Variants in SEZ6L observed in about 807,000 individuals in gnomAD.
The protein encoded by SEZ6L is seizure 6-like protein.
A neutral mutation model predicts 106.2 loss-of-function variants in SEZ6L; 37 were observed. The observed-to-expected ratio is 0.35, with a 90% CI of 0.27 to 0.46. The LOEUF is 0.46. SEZ6L is among the 20% of genes least tolerant of loss of function. SEZ6L has a pLI of 1.00. For synonymous variants in SEZ6L, 541 were observed against 570.4 expected (o/e 0.95, Z 0.73); for missense variants, 1,172 against 1,332.8 (o/e 0.88, Z 1.88).
intron 9 of SEZ6L, among the ~76,000 whole-genome samples, chr22:26,336,435 A>G (rs570479858): frequency 1.3e-5 from 2 of 152,224 alleles, no homozygotes; most frequent in South Asian, 4.1e-4. Context: ...GCTGCCTAGG[A>G]TGGCCTCCCA....
At chr22:26,347,345 C>T (rs2331248) in intron 10 of SEZ6L, among the ~76,000 whole-genome samples, 32,557 of 151,922 alleles carry the variant, frequency 0.21, 3,679 homozygotes, top group South Asian at 0.37. Flanking sequence ...TGGTAAGCAG[C>T]GGCCACAGTG....
intron 1 of SEZ6L, among the ~76,000 whole-genome samples, chr22:26,171,826 T>C (rs771441656): frequency 1.3e-5 from 2 of 152,186 alleles, no homozygotes; most frequent in Non-Finnish European, 2.9e-5. Flanking sequence ...TTGCCGAGTC[T>C]GATGGTGCAT....
chr22:26,228,427 G>C (rs1441523586), intron 1 of SEZ6L, among the ~76,000 whole-genome samples: 2 of 152,164 alleles, frequency 1.3e-5, no homozygotes, highest in African/African-American at 4.8e-5. Context: ...CCAATGTCCT[G>C]TATGTGACAC....
intron 1 of SEZ6L, among the ~76,000 whole-genome samples, chr22:26,277,681 C>T (rs1450116235): frequency 6.6e-6 from 1 of 152,170 alleles, no homozygotes; most frequent in Non-Finnish European, 1.5e-5. Flanking sequence ...CTTTGTCATA[C>T]ACACCAAGTC....
At chr22:26,303,866 T>C (rs1462323329) in intron 5 of SEZ6L, among the ~76,000 whole-genome samples, 1 of 152,166 alleles carries the variant, frequency 6.6e-6, no homozygotes, top group African/African-American at 2.4e-5. Flanking sequence ...AAGCGTCCTG[T>C]GCTTGGGAAG....
At chr22:26,220,804 T>A (rs2078442543) in intron 1 of SEZ6L, among the ~76,000 whole-genome samples, 1 of 152,100 alleles carries the variant, frequency 6.6e-6, no homozygotes, top group Non-Finnish European at 1.5e-5. Flanking sequence ...AGCACTCAGG[T>A]AGCACATGAT....
intron 9 of SEZ6L, among the ~76,000 whole-genome samples, chr22:26,338,852 G>A (rs991031058): frequency 3.5e-5 from 3 of 85,058 alleles, no homozygotes; most frequent in South Asian, 3.4e-4. Context: ...CACCACGCCC[G>A]GACTTTTTTT....
At chr22:26,251,156 T>A (rs1005148182) in intron 1 of SEZ6L, among the ~76,000 whole-genome samples, 1 of 152,256 alleles carries the variant, frequency 6.6e-6, no homozygotes, top group African/African-American at 2.4e-5. Context: ...CTAGTTGCTC[T>A]GGCTAGGGTC....
chr22:26,347,737 C>G lies in SEZ6L; in HGVS notation c.2231C>G (p.Ser744Cys), dbSNP rs2083056931. The change falls in exon 11 of 17, where the codon TCC becomes TGC. Residue 744 changes from serine (S) to cysteine (C), a missense_variant. Coordinates refer to ENST00000248933, the MANE Select transcript of SEZ6L (RefSeq NM_021115.5). ...MNYIEVSRND[S>C]CSDLPEIQNG... Reference sequence around the variant, plus strand: ...TTTAAAGAGGTATCAAGGAATGACTCCTGCTCGGATTTACCCGAGATCCAG... The same window carrying G: ...TTTAAAGAGGTATCAAGGAATGACTGCTGCTCGGATTTACCCGAGATCCAG... The G allele has an allele frequency of 6.2e-7, 1 of 1,608,646 alleles. No individual in the cohort carries two copies. The highest frequency in any genetic ancestry group is 1.7e-5 in the Admixed American group (1 of 58,824).
intron 1 of SEZ6L, among the ~76,000 whole-genome samples, chr22:26,203,837 T>C (rs1379685689): frequency 6.6e-6 from 1 of 152,160 alleles, no homozygotes; most frequent in African/African-American, 2.4e-5. Flanking sequence ...GAAAGGGTTA[T>C]TTTGAACAAT....
chr22:26,271,320 T>C (rs953705405), intron 1 of SEZ6L, among the ~76,000 whole-genome samples: 1 of 152,244 alleles, frequency 6.6e-6, no homozygotes, highest in Non-Finnish European at 1.5e-5. Context: ...TGTTAGTATC[T>C]ATTAAATACA....
chr22:26,178,406 T>C (rs1295630693), intron 1 of SEZ6L, among the ~76,000 whole-genome samples: 1 of 152,128 alleles, frequency 6.6e-6, no homozygotes, highest in Non-Finnish European at 1.5e-5. Context: ...TAGTGGCTGA[T>C]TGAGAAACCC....
intron 7 of SEZ6L, 54 bp from the exon 8 acceptor site, chr22:26,311,714 C>T (rs571137336): frequency 1.1e-4 from 171 of 1,488,278 alleles, no homozygotes; most frequent in Non-Finnish European, 1.5e-4. Context: ...AAATATAGCA[C>T]CGTGGGGTAG....
chr22:26,194,273 T>C (rs1425510178), intron 1 of SEZ6L, among the ~76,000 whole-genome samples: 1 of 152,196 alleles, frequency 6.6e-6, no homozygotes, highest in Non-Finnish European at 1.5e-5. Context: ...TTACACAAGA[T>C]AGCACATTCT....
At chr22:26,186,035 T>TGATC (rs1939753343) in intron 1 of SEZ6L, among the ~76,000 whole-genome samples, 1 of 151,814 alleles carries the variant, frequency 6.6e-6, no homozygotes, top group African/African-American at 2.4e-5. Context: ...GTGAAGTGTG[T>TGATC]GATCGATCAC....
At chr22:26,226,567 G>A (rs1177161030) in intron 1 of SEZ6L, among the ~76,000 whole-genome samples, 3 of 152,146 alleles carry the variant, frequency 2.0e-5, no homozygotes, top group African/African-American at 7.2e-5. Context: ...GGTTTTTTGT[G>A]TGTATATGTA....
chr22:26,186,550 A>T (rs2123788227), intron 1 of SEZ6L, among the ~76,000 whole-genome samples: 1 of 152,172 alleles, frequency 6.6e-6, no homozygotes, highest in East Asian at 1.9e-4. Context: ...GGTAAGGGAG[A>T]TTCTCCTAAA....
intron 16 of SEZ6L, among the ~76,000 whole-genome samples, chr22:26,379,337 T>C (rs760313039): frequency 6.6e-6 from 1 of 152,198 alleles, no homozygotes; most frequent in Non-Finnish European, 1.5e-5. Context: ...ACCTGTGTAT[T>C]CTCCTAGTTA....
chr22:26,175,020 T>G (rs1938883164), intron 1 of SEZ6L, among the ~76,000 whole-genome samples: 1 of 152,150 alleles, frequency 6.6e-6, no homozygotes, highest in African/African-American at 2.4e-5. Context: ...GGGATTGAAG[T>G]CCAGCCTCAG....
Sources: allele counts gnomAD v4.1 joint callset (sites outside exome capture counted in the v4.1 genomes callset), GRCh38; gene constraint gnomAD v4.1.1; transcripts MANE v1.5; gene names NCBI Gene and HGNC (gene_info 2026-07-23, HGNC 2026-07-21).